The following ZNF595 variants were observed in gnomAD, a reference collection of about 807,000 sequenced individuals.
The protein encoded by ZNF595 is zinc finger protein 595.
Under a neutral mutation model 19.4 loss-of-function variants are expected in ZNF595, and 9 were observed. The ratio of observed to expected loss-of-function variants is 0.46; its 90% CI spans 0.28 to 0.81. The LOEUF is 0.81. Among genes scored for constraint, ZNF595 ranks in the 30% least tolerant of loss-of-function variants. ZNF595 has a pLI of 0.11. For missense variants in ZNF595, 729 were observed against 736.0 expected (o/e 0.99, Z 0.11); for synonymous variants, 255 against 255.9 (o/e 1.00, Z 0.03).
Position 87,246 on chromosome 4 carries a change from A to G in ZNF595, c.1742A>G (p.Lys581Arg). The part of the protein sequence containing the change: ...KAYNLSSTLT[K>R]HKRIHTGEKP... Reference sequence around the variant, plus strand: ...TATAACTTATCCTCAACCCTTACTAAACATAAGAGAATTCATACTGGAGAG... The same window carrying G: ...TATAACTTATCCTCAACCCTTACTAGACATAAGAGAATTCATACTGGAGAG... Residue 581 changes from lysine to arginine, a missense_variant, in exon 4 of 4, where the codon AAA (lysine) becomes AGA (arginine). By Grantham distance (26) the Lys-to-Arg change is conservative (BLOSUM62 2). Around this residue, in one of 2 missense-constraint regions of ZNF595, gnomAD observed 729 missense variants for 675.3 expected, o/e 1.08. Transcript: ENST00000610261. 1.3e-6 allele frequency: 2 copies of G among 1,594,664 alleles called. No individual in the cohort carries two copies. Among genetic ancestry groups the G allele is most frequent in the Non-Finnish European group, 1.7e-6 (2 of 1,167,476 alleles).
In ZNF595 at chr4:86,038, T is replaced by C. The variant is rs567462187; in HGVS notation, c.534T>C (p.Cys178=). 4.3e-6 allele frequency: 7 copies of C among 1,611,058 alleles called. No individual in the cohort carries two copies. The highest frequency in any genetic ancestry group is 2.7e-5 in the African/African-American group (2 of 74,994). ...TGEKPFKCTE[C]GRSFYMSHLT... The stretch of plus-strand genomic sequence containing the variant: ...AGAAACCCTTTAAATGTACAGAATG[T>C]GGCAGATCGTTTTACATGTCACACC... Residue 178 remains cysteine (C), a synonymous_variant, in exon 4 of 4, where the codon TGT becomes TGC. Transcript: ENST00000610261.
Position 83,631 on chromosome 4 carries a change from AAAAAAAAAAAAAAAG to A in ZNF595, c.227-2096_227-2082del, listed in dbSNP as rs1427833705. Among the ~76,000 whole-genome samples the A allele has an allele frequency of 3.7e-3, 527 of 141,040 alleles. 4 individuals carry two copies. In the Middle Eastern group the frequency reaches 0.048, roughly 13 times the overall value. The allele number at this position is 141,040 out of a possible 152,430, so 92.5% of individuals were successfully genotyped here. A position where few individuals can be genotyped will look rare whatever the true frequency, so the allele number is the denominator to read the frequency against. On this transcript the variant is annotated intron_variant, in intron 3 of 3. Coordinates refer to ENST00000610261, the MANE Select transcript of ZNF595 (RefSeq NM_182524.4). ...TGAGACTCCGTCTCAAAAAAAAAAA[AAAAAAAAAAAAAAAG>A]AAAGAAAGAAAGAAAAACAAGTTGT... is the stretch of plus-strand genomic sequence containing the variant.
At chr4:80,372 T>TA (rs1455928720) in intron 3 of ZNF595, among the ~76,000 whole-genome samples, 1 of 152,230 alleles carries the variant, frequency 6.6e-6, no homozygotes, top group East Asian at 1.9e-4. Flanking sequence ...AGATGGTATA[T>TA]ACCTCAACAC....
At chr4:76,942 T>A (rs1378647402) in intron 3 of ZNF595, among the ~76,000 whole-genome samples, 1 of 152,196 alleles carries the variant, frequency 6.6e-6, no homozygotes, top group African/African-American at 2.4e-5. Context: ...TATTAGTTCC[T>A]TCTGCTATAG....
chr4:76,016 G>C (rs542042341), intron 3 of ZNF595, among the ~76,000 whole-genome samples: 67 of 152,142 alleles, frequency 4.4e-4, no homozygotes, highest in Middle Eastern at 6.8e-3. Context: ...GCAGCCTCCT[G>C]AGTAGCTAGG....
intron 1 of ZNF595, among the ~76,000 whole-genome samples, chr4:57,734 G>A (rs1581314897): frequency 6.6e-6 from 1 of 152,064 alleles, no homozygotes; most frequent in East Asian, 1.9e-4. Context: ...ATTGTTTTGT[G>A]AGTTTTGATA....
intron 3 of ZNF595, among the ~76,000 whole-genome samples, chr4:76,482 C>T (rs1321430399): frequency 6.6e-6 from 1 of 151,846 alleles, no homozygotes; most frequent in Non-Finnish European, 1.5e-5. Flanking sequence ...ATTTATGTAC[C>T]ATAATTACAG....
chr4:67,350 A>G (rs1173200874), intron 3 of ZNF595, among the ~76,000 whole-genome samples: 199 of 147,832 alleles, frequency 1.3e-3, no homozygotes, highest in African/African-American at 4.8e-3. Context: ...TGTCCATGAA[A>G]CAACAGTTAC....
At chr4:61,334 C>A (rs1298179529) in intron 3 of ZNF595, among the ~76,000 whole-genome samples, 4 of 152,306 alleles carry the variant, frequency 2.6e-5, no homozygotes, top group Non-Finnish European at 5.9e-5. Flanking sequence ...CGGGGTTTCA[C>A]CATGTCGGCC....
chr4:80,598 T>G (rs1713864204), intron 3 of ZNF595, among the ~76,000 whole-genome samples: 1 of 152,004 alleles, frequency 6.6e-6, no homozygotes, highest in South Asian at 2.1e-4. Flanking sequence ...TGGGGCAGTT[T>G]TATAGGATTT....
chr4:79,507 G>A (rs1040049829), intron 3 of ZNF595, among the ~76,000 whole-genome samples: 63 of 152,064 alleles, frequency 4.1e-4, no homozygotes, highest in African/African-American at 1.5e-3. Context: ...TGTGTGTTCT[G>A]GACATCTTTG....
In ZNF595 at chr4:85,932, A is replaced by G. The variant is rs1714121650; in HGVS notation, c.428A>G (p.Lys143Arg). The G allele has an allele frequency of 1.2e-6, 2 of 1,613,546 alleles. No individual in the cohort carries two copies. The highest frequency in any genetic ancestry group is 2.7e-5 in the African/African-American group (2 of 75,052). Residue 143 changes from lysine (K) to arginine (R), a missense_variant, in exon 4 of 4, where the codon AAA (lysine) becomes AGA (arginine). Physicochemically the swap from Lys to Arg is conservative, Grantham distance 26. Transcript: ENST00000610261. ...VYQCLSTTQS[K>R]IFQCNTCVKV... ...CAGTGCTTGTCAACTACCCAGAGCAAAATATTTCAATGTAATACATGTGTT... is the reference window on the plus strand; with the variant it reads ...CAGTGCTTGTCAACTACCCAGAGCAGAATATTTCAATGTAATACATGTGTT...
intron 3 of ZNF595, among the ~76,000 whole-genome samples, chr4:69,294 T>C (rs1713333472): frequency 6.6e-6 from 1 of 152,190 alleles, no homozygotes; most frequent in African/African-American, 2.4e-5. Flanking sequence ...AGTAGCTCTA[T>C]TTTTCATTTT....
chr4:56,999 T>TAA (rs1712640494), intron 1 of ZNF595, among the ~76,000 whole-genome samples: 1 of 89,994 alleles, frequency 1.1e-5, no homozygotes, highest in African/African-American at 3.8e-5. Context: ...AATCTGCACA[T>TAA]AAAAGCTGGC....
Position 87,493 on chromosome 4 carries a change from G to C in ZNF595, c.*42G>C. 1 of 1,448,312 alleles carries C rather than the reference G, an allele frequency of 6.9e-7. No homozygotes were observed. 89.7% of individuals were successfully genotyped at this position (1,448,312 alleles called of 1,614,324 possible). On this transcript the variant is annotated 3_prime_UTR_variant, in exon 4 of 4. Transcript: ENST00000610261. ...TCTCTAATTCCAGTGTCTTTACACA[G>C]CAAATAAATTGGAGAATATTGCTCC...
At chr4:83,619 CAAAAAAAAA>C (rs71164492) in intron 3 of ZNF595, among the ~76,000 whole-genome samples, 2 of 38,600 alleles carry the variant, frequency 5.2e-5, no homozygotes, top group Admixed American at 3.5e-4. Context: ...GACTCCGTCT[CAAAAAAAAA>C]AAAAAAAAAA....
At chr4:77,849 G>T (rs1407030197) in intron 3 of ZNF595, among the ~76,000 whole-genome samples, 3 of 152,130 alleles carry the variant, frequency 2.0e-5, no homozygotes, top group Non-Finnish European at 2.9e-5. Flanking sequence ...CTGATGTGTG[G>T]CTCTTGCTGG....
chr4:75,410 A>G (rs1256817689), intron 3 of ZNF595, among the ~76,000 whole-genome samples: 2 of 152,170 alleles, frequency 1.3e-5, no homozygotes, highest in African/African-American at 2.4e-5. Flanking sequence ...CACTTTTATA[A>G]TAGACCCACT....
chr4:66,524 G>C (rs1472172793), intron 3 of ZNF595, among the ~76,000 whole-genome samples: 1 of 151,366 alleles, frequency 6.6e-6, no homozygotes, highest in Non-Finnish European at 1.5e-5. Context: ...AACATTGCTG[G>C]GATCAATGTC....
Sources: allele counts gnomAD v4.1 joint callset (sites outside exome capture counted in the v4.1 genomes callset), GRCh38; gene constraint gnomAD v4.1.1; regional missense constraint gnomAD v4.1.1; transcripts MANE v1.5; gene names NCBI Gene and HGNC (gene_info 2026-07-23, HGNC 2026-07-21).